The following PCMTD1 variants were observed in gnomAD, a reference collection of about 807,000 sequenced individuals.
The protein encoded by PCMTD1 is protein-L-isoaspartate (D-aspartate) O-methyltransferase domain containing 1, also known as protein-L-isoaspartate O-methyltransferase domain-containing protein 1.
A neutral mutation model predicts 37.6 loss-of-function variants in PCMTD1; 12 were observed. The observed-to-expected ratio is 0.32, with a 90% CI of 0.20 to 0.52. The LOEUF (loss-of-function observed/expected upper bound fraction) is 0.52. PCMTD1 is among the 20% of genes least tolerant of loss of function. PCMTD1 has a pLI of 0.97. For missense variants in PCMTD1, 235 were observed against 421.3 expected, an observed-to-expected ratio of 0.56 and a Z score of 3.87; for synonymous variants, 117 against 135.8, an observed-to-expected ratio of 0.86 and a Z score of 0.96.
At position 51,861,161 on chromosome 8, in the gene PCMTD1, C is replaced by A. The variant is rs1161966057; in HGVS notation, c.-10G>T. 5.1e-6 allele frequency: 8 copies of A among 1,564,306 alleles called. No individual in the cohort carries two copies. Among genetic ancestry groups the A allele is most frequent in the Non-Finnish European group, 6.9e-6 (8 of 1,152,368 alleles). On this transcript the variant is annotated 5_prime_UTR_variant, in exon 2 of 6. Coordinates refer to ENST00000522514, the MANE Select transcript of PCMTD1 (RefSeq NM_052937.4). ...TCACAGCTCCTCCCATGATAGTATTCAAATCAAATCATAAATTTAAAAGTG... is the reference window on the plus strand; with the variant it reads ...TCACAGCTCCTCCCATGATAGTATTAAAATCAAATCATAAATTTAAAAGTG...
At chr8:51,828,943 T>C (rs2037960654) in intron 5 of PCMTD1, among the ~76,000 whole-genome samples, 1 of 152,214 alleles carries the variant, frequency 6.6e-6, no homozygotes, top group Non-Finnish European at 1.5e-5. Context: ...AATCCTTTGT[T>C]TTTTATCATT....
intron 1 of PCMTD1, among the ~76,000 whole-genome samples, chr8:51,885,989 G>C (rs2038860254): frequency 6.6e-6 from 1 of 152,218 alleles, no homozygotes; most frequent in African/African-American, 2.4e-5. Flanking sequence ...TACTTACAGT[G>C]AATGCACAAG....
At chr8:51,846,274 G>A (rs975903181) in intron 2 of PCMTD1, among the ~76,000 whole-genome samples, 2 of 152,128 alleles carry the variant, frequency 1.3e-5, no homozygotes, top group East Asian at 3.9e-4. Flanking sequence ...TGTGGCCATT[G>A]GGCAGCATGC....
At chr8:51,842,233 T>C (rs921729891) in intron 3 of PCMTD1, among the ~76,000 whole-genome samples, 1 of 152,184 alleles carries the variant, frequency 6.6e-6, no homozygotes, top group Non-Finnish European at 1.5e-5. Flanking sequence ...GATATAAGAC[T>C]AAGACATACA....
rs1041418374 is a variant in PCMTD1, at chr8:51,845,472, T to C, written c.410+189A>G. ...TAGCAAAAAATCACATTATTTATAA[T>C]TTACTATAGAATTACATATAGTAAA... On this transcript the variant is annotated intron_variant, in intron 3 of 5. Transcript: ENST00000522514. The C allele has an allele frequency of 1.9e-4, 81 of 435,148 alleles. 1 individual carries two copies. Among genetic ancestry groups the C allele is most frequent in the Non-Finnish European group, 3.0e-4 (74 of 243,574 alleles). The allele number at this position is 435,148 out of a possible 1,614,324, so 27.0% of individuals were successfully genotyped here.
intron 2 of PCMTD1, among the ~76,000 whole-genome samples, chr8:51,859,981 T>C (rs1259418975): frequency 2.0e-5 from 3 of 152,294 alleles, no homozygotes; most frequent in East Asian, 1.9e-4. Flanking sequence ...CCAGTGAATA[T>C]GGCAGCTGAA....
chr8:51,817,900 G>C lies in PCMTD1; in HGVS notation c.*2451C>G. ...TCACTGTATGTTTCAGGCAAAACAT[G>C]CCACGGTTCTAGGTCTGTTTTCTCA... On this transcript the variant is annotated 3_prime_UTR_variant, in exon 6 of 6. Transcript: ENST00000522514. 2.2e-6 allele frequency: 1 copy of C among 456,818 alleles called. No individual in the cohort carries two copies. Among genetic ancestry groups the C allele is most frequent in the South Asian group, 1.5e-5 (1 of 64,574 alleles). 28.3% of individuals were successfully genotyped at this position (456,818 alleles called of 1,614,324 possible).
chr8:51,870,022 A>G (rs2038615882), intron 1 of PCMTD1, among the ~76,000 whole-genome samples: 1 of 152,208 alleles, frequency 6.6e-6, no homozygotes, highest in African/African-American at 2.4e-5. Context: ...TCTCTTAGGC[A>G]GTTTAAGGAT....
chr8:51,842,950 A>G (rs930839841), intron 3 of PCMTD1, among the ~76,000 whole-genome samples: 20 of 152,282 alleles, frequency 1.3e-4, no homozygotes, highest in African/African-American at 4.8e-4. Flanking sequence ...GTTATCTTAT[A>G]TTTTGTTAAC....
At chr8:51,843,242 T>C (rs908053017) in intron 3 of PCMTD1, among the ~76,000 whole-genome samples, 1 of 151,900 alleles carries the variant, frequency 6.6e-6, no homozygotes, top group Non-Finnish European at 1.5e-5. Context: ...AAATGAAACA[T>C]TTCCCTAGTA....
chr8:51,827,953 G>T (rs1444702559), intron 5 of PCMTD1, among the ~76,000 whole-genome samples: 1 of 147,896 alleles, frequency 6.8e-6, no homozygotes, highest in Non-Finnish European at 1.5e-5. Context: ...TTAAAATGAG[G>T]CAAAATGCAA....
At chr8:51,834,340 T>C (rs1276433003) in intron 3 of PCMTD1, among the ~76,000 whole-genome samples, 1 of 152,180 alleles carries the variant, frequency 6.6e-6, no homozygotes, top group Non-Finnish European at 1.5e-5. Flanking sequence ...CAACAAGAGA[T>C]ATGATTTCAA....
intron 1 of PCMTD1, among the ~76,000 whole-genome samples, chr8:51,898,364 G>A (rs1300434519): frequency 3.6e-4 from 55 of 152,258 alleles, no homozygotes; most frequent in African/African-American, 1.2e-3. Flanking sequence ...AACGGTAGTA[G>A]ACGCTCAAAA....
At chr8:51,855,843 T>C (rs1041421186) in intron 2 of PCMTD1, among the ~76,000 whole-genome samples, 1 of 151,850 alleles carries the variant, frequency 6.6e-6, no homozygotes, top group Non-Finnish European at 1.5e-5. Flanking sequence ...GATGTGTGTG[T>C]ATTATTAGTA....
intron 3 of PCMTD1, among the ~76,000 whole-genome samples, chr8:51,843,281 T>G (rs2038173371): frequency 6.6e-6 from 1 of 152,232 alleles, no homozygotes; most frequent in African/African-American, 2.4e-5. Context: ...TAAGCTACTT[T>G]ATAATCTGCA....
rs74656440 is a variant in PCMTD1 at position 51,852,488 on chromosome 8, T to C, written c.308-6725A>G. ...TTAATTTCTTATTAATTTTAGCTGC[T>C]TGATAGAAATCTGTCAAAATTCAAC... On this transcript the variant is annotated intron_variant, in intron 2 of 5. Coordinates refer to ENST00000522514, the MANE Select transcript of PCMTD1 (RefSeq NM_052937.4). Among the ~76,000 whole-genome samples, 81 of 152,356 alleles carry C rather than the reference T, an allele frequency of 5.3e-4. No individual in the cohort carries two copies. In the East Asian group the frequency reaches 0.014, roughly 26 times the overall value.
chr8:51,842,613 C>T (rs1039405623), intron 3 of PCMTD1, among the ~76,000 whole-genome samples: 3 of 152,170 alleles, frequency 2.0e-5, no homozygotes, highest in East Asian at 1.9e-4. Flanking sequence ...TGTCAGCCAC[C>T]ACACCCAGCC....
intron 1 of PCMTD1, among the ~76,000 whole-genome samples, chr8:51,862,770 T>G (rs1013821662): frequency 1.3e-5 from 2 of 152,332 alleles, no homozygotes; most frequent in South Asian, 4.1e-4. Flanking sequence ...TTTCCTACAA[T>G]TGCCTTAAGA....
At chr8:51,850,029 C>A in intron 2 of PCMTD1, 1 of 701,762 alleles carries the variant, frequency 1.4e-6, no homozygotes, top group East Asian at 2.7e-5. Context: ...ACATAAAGTT[C>A]TGAAGATGAA....
Sources: allele counts gnomAD v4.1 joint callset (sites outside exome capture counted in the v4.1 genomes callset), GRCh38; gene constraint gnomAD v4.1.1; transcripts MANE v1.5; gene names NCBI Gene and HGNC (gene_info 2026-07-23, HGNC 2026-07-21).